AGBL4: variants seen among roughly 807,000 people sequenced by gnomAD.
AGBL4 encodes the protein cytosolic carboxypeptidase 6.
In AGBL4, 58 loss-of-function variants were observed where a neutral mutation model predicts 66.4. The observed-to-expected ratio is 0.87, with a 90% CI of 0.71 to 1.09. The LOEUF is 1.09. Among genes scored for constraint, AGBL4 ranks in the 50% least tolerant of loss-of-function variants. The pLI is 0.00. For synonymous variants in AGBL4, 234 were observed against 222.9 expected, an observed-to-expected ratio of 1.05 and a Z score of -0.44; for missense variants, 579 against 631.0, an observed-to-expected ratio of 0.92 and a Z score of 0.88.
intron 6 of AGBL4, chr1:48,776,674 C>T: frequency 1.3e-6 from 2 of 1,506,216 alleles, no homozygotes; most frequent in East Asian, 2.8e-5. Context: ...GCGCGGGGGG[C>T]TCTCGGGCCC....
intron 8 of AGBL4, among the ~76,000 whole-genome samples, chr1:48,641,473 A>G (rs767619488): frequency 6.6e-6 from 1 of 152,108 alleles, no homozygotes; most frequent in Non-Finnish European, 1.5e-5. Context: ...TGTGACCAAG[A>G]CTGTGAAGAC....
At chr1:49,052,801 G>C (rs1224477507) in intron 4 of AGBL4, among the ~76,000 whole-genome samples, 5 of 152,114 alleles carry the variant, frequency 3.3e-5, no homozygotes, top group African/African-American at 1.2e-4. Context: ...TAAATATTTT[G>C]AATGAATGAG....
At chr1:49,029,921 TG>T (rs1277415167) in intron 5 of AGBL4, among the ~76,000 whole-genome samples, 3 of 152,046 alleles carry the variant, frequency 2.0e-5, no homozygotes, top group African/African-American at 7.2e-5. Flanking sequence ...GACAATAAAG[TG>T]GGGGAAAGAA....
At chr1:49,294,485 C>A (rs1644602039) in intron 3 of AGBL4, among the ~76,000 whole-genome samples, 1 of 152,178 alleles carries the variant, frequency 6.6e-6, no homozygotes, top group Non-Finnish European at 1.5e-5. Context: ...CAGGATCAGA[C>A]CAATTCAACA....
intron 6 of AGBL4, among the ~76,000 whole-genome samples, chr1:48,848,487 C>G (rs1646966760): frequency 6.6e-6 from 1 of 152,000 alleles, no homozygotes; most frequent in South Asian, 2.1e-4. Context: ...TCTATCTCGG[C>G]CTTATGAATG....
intron 1 of AGBL4, among the ~76,000 whole-genome samples, chr1:49,856,946 T>C (rs1646448886): frequency 6.6e-6 from 1 of 151,624 alleles, no homozygotes; most frequent in Non-Finnish European, 1.5e-5. Flanking sequence ...TCCTTGTTCA[T>C]AGATGACATG....
chr1:49,356,216 C>T (rs1644017470), intron 3 of AGBL4, among the ~76,000 whole-genome samples: 1 of 151,990 alleles, frequency 6.6e-6, no homozygotes, highest in Non-Finnish European at 1.5e-5. Context: ...TTCAGAAAAC[C>T]AAGATTTTTC....
chr1:48,559,638 C>A (rs1256252043), intron 11 of AGBL4, among the ~76,000 whole-genome samples: 3 of 152,160 alleles, frequency 2.0e-5, no homozygotes, highest in Non-Finnish European at 4.4e-5. Context: ...CCTTCTAGTT[C>A]TTTTTCCCTC....
chr1:49,194,199 C>CT (rs1413290896), intron 4 of AGBL4, among the ~76,000 whole-genome samples: 1 of 152,044 alleles, frequency 6.6e-6, no homozygotes, highest in Non-Finnish European at 1.5e-5. Flanking sequence ...TGCTCCTGTA[C>CT]TAGGTGCATA....
At chr1:48,961,124 T>C (rs915272070) in intron 5 of AGBL4, among the ~76,000 whole-genome samples, 1 of 152,104 alleles carries the variant, frequency 6.6e-6, no homozygotes, top group African/African-American at 2.4e-5. Context: ...TGTGTGTGTA[T>C]GTGTGTATGT....
intron 11 of AGBL4, among the ~76,000 whole-genome samples, chr1:48,568,296 T>A (rs553082019): frequency 6.6e-5 from 10 of 151,914 alleles, no homozygotes; most frequent in Non-Finnish European, 5.9e-5. Context: ...CACTCTTCTC[T>A]CTCTCTCTCT....
At chr1:48,664,500 T>C (rs1028547656) in intron 6 of AGBL4, among the ~76,000 whole-genome samples, 4 of 152,090 alleles carry the variant, frequency 2.6e-5, no homozygotes, top group Non-Finnish European at 1.5e-5. Flanking sequence ...TTAAAACAAG[T>C]CTCAAAAGGA....
intron 6 of AGBL4, among the ~76,000 whole-genome samples, chr1:48,719,865 C>T (rs1428175456): frequency 6.6e-6 from 1 of 152,126 alleles, no homozygotes; most frequent in Non-Finnish European, 1.5e-5. Context: ...CGGTGAAGCC[C>T]ATAGTCACAT....
chr1:49,750,769 G>A (rs1009079286), intron 2 of AGBL4, among the ~76,000 whole-genome samples: 14 of 152,032 alleles, frequency 9.2e-5, no homozygotes, highest in African/African-American at 1.9e-4. Flanking sequence ...GTTCCTTGAG[G>A]AGTGGTTTGT....
chr1:49,305,507 G>C (rs543741516), intron 3 of AGBL4, among the ~76,000 whole-genome samples: 2 of 152,086 alleles, frequency 1.3e-5, no homozygotes, highest in South Asian at 4.2e-4. Context: ...GCCTATGAAG[G>C]GACAACTGTA....
intron 4 of AGBL4, among the ~76,000 whole-genome samples, chr1:49,151,525 C>T (rs1410057001): frequency 1.3e-5 from 2 of 148,692 alleles, no homozygotes; most frequent in South Asian, 2.1e-4. Flanking sequence ...ACTGTCATTG[C>T]GTGCTTCAGT....
downstream of AGBL4, among the ~76,000 whole-genome samples, chr1:48,528,689 C>A (rs1043722683): frequency 6.6e-6 from 1 of 152,060 alleles, no homozygotes; most frequent in Non-Finnish European, 1.5e-5. Context: ...GACCAGCACA[C>A]CACCTGAATT....
rs980447726 is a variant in AGBL4, at chr1:49,271,558, A to G, written c.283-25694T>C. Among the ~76,000 whole-genome samples the G allele has an allele frequency of 1.3e-5, 2 of 151,678 alleles. 1 individual carries two copies. Among genetic ancestry groups the G allele is most frequent in the Non-Finnish European group, 3.0e-5 (2 of 67,782 alleles). On this transcript the variant is annotated intron_variant, in intron 3 of 13. Coordinates refer to ENST00000371839, the MANE Select transcript of AGBL4 (RefSeq NM_032785.4). Reference sequence around the variant, plus strand: ...CACACACACACACACACACACGTACATATACATATCTAAAATACTTTTGAC... The same window carrying G: ...CACACACACACACACACACACGTACGTATACATATCTAAAATACTTTTGAC...
At chr1:49,025,079 T>TA (rs1483708982) in intron 5 of AGBL4, among the ~76,000 whole-genome samples, 1 of 152,164 alleles carries the variant, frequency 6.6e-6, no homozygotes, top group Non-Finnish European at 1.5e-5. Context: ...GTGGCAGAGT[T>TA]AAGGTTCTAA....
Sources: gnomAD v4.1 joint callset for allele counts (sites outside exome capture counted in the v4.1 genomes callset) on GRCh38, gnomAD v4.1.1 for gene constraint, MANE v1.5 for transcripts, NCBI Gene and HGNC (gene_info 2026-07-23, HGNC 2026-07-21) for gene names.